The following CEP164 variants were observed in gnomAD, a reference collection of about 807,000 sequenced individuals.
CEP164 encodes centrosomal protein 164.
Under a neutral mutation model 182.7 loss-of-function variants are expected in CEP164, and 162 were observed. The ratio of observed to expected loss-of-function variants is 0.89; its 90% CI spans 0.78 to 1.01. The LOEUF is 1.01. CEP164 is among the 50% of genes least tolerant of loss of function. The probability of loss-of-function intolerance (pLI) is 0.00; values close to 1 mark genes in which losing one functional copy is unlikely to be tolerated. For synonymous variants in CEP164, 661 were observed against 690.0 expected (o/e 0.96, Z 0.66); for missense variants, 1,735 against 1,790.4 (o/e 0.97, Z 0.56).
chr11:117,402,820 A>G (rs551367455), intron 27 of CEP164, among the ~76,000 whole-genome samples: 1 of 152,136 alleles, frequency 6.6e-6, no homozygotes, highest in East Asian at 1.9e-4. Flanking sequence ...GTGGGAGTCT[A>G]AGTCTCTTTG....
intron 5 of CEP164, among the ~76,000 whole-genome samples, chr11:117,361,160 C>G (rs1406257053): frequency 6.7e-6 from 1 of 149,848 alleles, no homozygotes; most frequent in African/African-American, 2.5e-5. Context: ...GTCTTGAACT[C>G]CTGATCTCAG....
intron 27 of CEP164, among the ~76,000 whole-genome samples, chr11:117,406,922 C>T (rs1274509344): frequency 5.9e-5 from 9 of 151,924 alleles, no homozygotes; most frequent in South Asian, 2.1e-4. Context: ...GGTGAAACCC[C>T]GTCTCTACTA....
At chr11:117,361,366 G>A (rs1367258144) in intron 5 of CEP164, among the ~76,000 whole-genome samples, 1 of 144,440 alleles carries the variant, frequency 6.9e-6, no homozygotes, top group Non-Finnish European at 1.5e-5. Context: ...TCAGCCTCCC[G>A]AGTAGCTGGG....
At chr11:117,376,250 C>T (rs2042730439) in intron 11 of CEP164, among the ~76,000 whole-genome samples, 1 of 151,658 alleles carries the variant, frequency 6.6e-6, no homozygotes, top group Admixed American at 6.6e-5. Context: ...CTTTTTTGGT[C>T]CTGGAGGTTC....
Position 117,409,640 on chromosome 11 carries a change from C to T in CEP164, c.3771C>T (p.Thr1257=), listed in dbSNP as rs918177071. 1 of 1,609,872 alleles carries T rather than the reference C, an allele frequency of 6.2e-7. No individual in the cohort carries two copies. Among genetic ancestry groups the T allele is most frequent in the Non-Finnish European group, 8.5e-7 (1 of 1,176,560 alleles). ...CAGTCGACTCAACCCCGAGTCTCAC[C>T]TCCCGCAAGATCCACGGGCTTAGCC... ...QQRIDSTPSL[T]SRKIHGLSHS... Residue 1257 remains threonine (T), a synonymous_variant, in exon 30 of 33, where the codon ACC becomes ACT. Coordinates refer to ENST00000278935, the MANE Select transcript of CEP164 (RefSeq NM_014956.5). The surrounding 1 kb of genome is among the most constrained non-coding windows in gnomAD (Gnocchi z 4.4).
intron 7 of CEP164, 62 bp from the exon 8 acceptor site, chr11:117,363,367 C>T (rs1377833311): frequency 1.6e-5 from 20 of 1,251,672 alleles, no homozygotes; most frequent in Non-Finnish European, 2.3e-5. Context: ...CCTCTGCACA[C>T]CCCTCACCCT....
Position 117,371,096 on chromosome 11 carries a change from G to A in CEP164, c.782G>A (p.Ser261Asn). The A allele has an allele frequency of 6.3e-7, 1 of 1,598,532 alleles. No individual in the cohort carries two copies. The highest frequency in any genetic ancestry group is 2.2e-5 in the East Asian group (1 of 44,574). The part of the protein sequence containing the change: ...DFEYEESLRT[S>N]QPEEKKDVSL... ...GCTCCCTAGGAGTCTCTGAGAACAA[G>A]CCAGCCAGAGGAGAAGAAGGATGTT... Residue 261 changes from serine (S) to asparagine (N), a missense_variant, in exon 9 of 33, where the codon AGC becomes AAC. Coordinates refer to ENST00000278935, the MANE Select transcript of CEP164 (RefSeq NM_014956.5).
At chr11:117,369,802 ACT>A (rs1238939420) in intron 8 of CEP164, among the ~76,000 whole-genome samples, 1 of 152,148 alleles carries the variant, frequency 6.6e-6, no homozygotes, top group Non-Finnish European at 1.5e-5. Flanking sequence ...CTTTTGACTG[ACT>A]CTAAGGAATT....
chr11:117,364,620 C>T (rs1055989372), intron 8 of CEP164, among the ~76,000 whole-genome samples: 7 of 150,670 alleles, frequency 4.6e-5, no homozygotes, highest in African/African-American at 1.7e-4. Flanking sequence ...CTGGAGTACA[C>T]GTCAGCCTCC....
chr11:117,382,732 G>T lies in CEP164; in HGVS notation c.1578-64G>T, dbSNP rs971821589. On this transcript the variant is annotated intron_variant, in intron 13 of 32. Coordinates refer to ENST00000278935, the MANE Select transcript of CEP164 (RefSeq NM_014956.5). ...TCATAGCTCTTTGACCCCAAATGGC[G>T]TACATCTTAAGCCTCTTGCTTTCTT... The T allele has an allele frequency of 1.2e-5, 19 of 1,563,236 alleles. No individual in the cohort carries two copies. In the South Asian group the frequency reaches 1.4e-4, roughly 11 times the overall value.
intron 4 of CEP164, among the ~76,000 whole-genome samples, chr11:117,346,446 A>T (rs1447077531): frequency 1.3e-5 from 2 of 151,492 alleles, no homozygotes; most frequent in Non-Finnish European, 2.9e-5. Flanking sequence ...TTTAGTAGGG[A>T]CGGGGTTTCG....
intron 1 of CEP164, among the ~76,000 whole-genome samples, chr11:117,329,534 A>AGTTT (rs964192224): frequency 2.8e-4 from 43 of 151,672 alleles, no homozygotes; most frequent in East Asian, 2.4e-3. Flanking sequence ...ACCTTGGGCA[A>AGTTT]GTTTGTTTGT....
chr11:117,373,324 G>A (rs374359593), intron 9 of CEP164, among the ~76,000 whole-genome samples: 7 of 151,536 alleles, frequency 4.6e-5, no homozygotes, highest in East Asian at 1.9e-4. Flanking sequence ...TGGAGATGGC[G>A]CCACTCCAGC....
intron 11 of CEP164, 45 bp downstream of exon 11, chr11:117,375,836 C>T (rs1555122151): frequency 1.9e-6 from 3 of 1,581,160 alleles, no homozygotes; most frequent in South Asian, 2.2e-5. Flanking sequence ...CTCATTTTCC[C>T]TCACAACTTT....
chr11:117,394,384 T>C lies in CEP164; in HGVS notation c.2651T>C (p.Leu884Pro), dbSNP rs1444453508. The C allele has an allele frequency of 6.2e-7, 1 of 1,609,930 alleles. No individual in the cohort carries two copies. The highest frequency in any genetic ancestry group is 1.3e-5 in the African/African-American group (1 of 74,908). Residue 884 changes from leucine (L) to proline (P), a missense_variant, in exon 21 of 33, where the codon CTG becomes CCG. Leu to Pro is a moderately conservative substitution (Grantham distance 98). Transcript: ENST00000278935. This position sits in a 1 kb window ranked among gnomAD's most constrained non-coding sequence, Gnocchi z 4.0. ...CAGCGGGCTGAGCTTCTGGGGCACC[T>C]GACCGGAGAGCTGGAGCGCCTGCAG... Reference protein sequence around the residue: ...RKQRAELLGHLTGELERLQRA... With the variant: ...RKQRAELLGHPTGELERLQRA...
Position 117,394,855 on chromosome 11 carries a change from C to T in CEP164, c.2761-65C>T. The T allele has an allele frequency of 6.6e-7, 1 of 1,513,432 alleles. No homozygotes were observed. The highest frequency in any genetic ancestry group is 9.1e-7 in the Non-Finnish European group (1 of 1,093,120). The allele number at this position is 1,513,432 out of a possible 1,614,324, so 93.8% of individuals were successfully genotyped here. ...GTGTGGCATGGTGGGTTCTGGAACCCCCTCCTGCCCCTCAGCTAATGCCTT... is the reference window on the plus strand; with the variant it reads ...GTGTGGCATGGTGGGTTCTGGAACCTCCTCCTGCCCCTCAGCTAATGCCTT... On this transcript the variant is annotated intron_variant, in intron 21 of 32. Coordinates refer to ENST00000278935, the MANE Select transcript of CEP164 (RefSeq NM_014956.5). The surrounding 1 kb of genome is among the most constrained non-coding windows in gnomAD (Gnocchi z 4.0).
In CEP164 at chr11:117,363,467, C is replaced by T. The variant is rs549905287; in HGVS notation, c.726C>T (p.His242=). 220 of 1,614,072 alleles carry T rather than the reference C, an allele frequency of 1.4e-4. 6 individuals carry two copies. In the South Asian group the frequency reaches 2.3e-3, roughly 17 times the overall value. The change falls in exon 8 of 33, where the codon CAC becomes CAT. Residue 242 remains histidine (H), a synonymous_variant. Coordinates refer to ENST00000278935, the MANE Select transcript of CEP164 (RefSeq NM_014956.5). ...CAAGTGAGCCTCTTAGGAACCTACA[C>T]CTGGACATTGGGGCACTGGGGGGTG... The part of the protein sequence containing the change: ...HSSSEPLRNL[H]LDIGALGGDF...
chr11:117,374,470 TGG>T, intron 10 of CEP164, among the ~76,000 whole-genome samples: 1 of 151,994 alleles, frequency 6.6e-6, no homozygotes. Flanking sequence ...AAGGGATTAG[TGG>T]GAGAGGGTCA....
chr11:117,387,198 G>C lies in CEP164; in HGVS notation c.1725-5G>C, dbSNP rs755761430. ...TGATGATATGCCATTCCCCACCCATGGTAGGCGATCCACAGAGCCTGTGGC... is the reference window on the plus strand; with the variant it reads ...TGATGATATGCCATTCCCCACCCATCGTAGGCGATCCACAGAGCCTGTGGC... On this transcript the variant is annotated splice_region_variant and splice_polypyrimidine_tract_variant and intron_variant, in intron 14 of 32. Coordinates refer to ENST00000278935, the MANE Select transcript of CEP164 (RefSeq NM_014956.5). The C allele has an allele frequency of 6.2e-7, 1 of 1,613,862 alleles. No homozygotes were observed. The highest frequency in any genetic ancestry group is 2.2e-5 in the East Asian group (1 of 44,870).
Sources: gnomAD v4.1 joint callset for allele counts (sites outside exome capture counted in the v4.1 genomes callset) on GRCh38, gnomAD v4.1.1 for gene constraint, Gnocchi (gnomAD v3.1) non-coding constraint, MANE v1.5 for transcripts, NCBI Gene and HGNC (gene_info 2026-07-23, HGNC 2026-07-21) for gene names.